PDXDC1: variants seen among roughly 807,000 people sequenced by gnomAD.
PDXDC1 encodes pyridoxal-dependent decarboxylase domain-containing protein 1.
A neutral mutation model predicts 100.1 loss-of-function variants in PDXDC1; 42 were observed. The observed-to-expected ratio is 0.42, with a 90% confidence interval of 0.33 to 0.54. PDXDC1 has a LOEUF of 0.54. Among genes scored for constraint, PDXDC1 ranks in the 20% least tolerant of loss-of-function variants. The probability of loss-of-function intolerance (pLI) is 0.10; values close to 1 mark genes in which losing one functional copy is unlikely to be tolerated. For synonymous variants in PDXDC1, 260 were observed against 371.7 expected, an observed-to-expected ratio of 0.70 and a Z score of 3.46; for missense variants, 636 against 979.2, an observed-to-expected ratio of 0.65 and a Z score of 4.68.
At chr16:15,015,063 G>A (rs1173466177) in intron 8 of PDXDC1, among the ~76,000 whole-genome samples, 3 of 152,094 alleles carry the variant, frequency 2.0e-5, no homozygotes, top group South Asian at 2.1e-4. Context: ...TCGGCCCCGC[G>A]AGTACCTGGG....
chr16:15,149,326 G>A, the PDXDC1 span, among the ~76,000 whole-genome samples: 4 of 152,192 alleles, frequency 2.6e-5, no homozygotes, highest in South Asian at 2.1e-4. Context: ...TGTTGAACGC[G>A]GGCTCCAGTG....
rs1291081454 is a variant in PDXDC1, at chr16:15,004,285, C to G, written c.341C>G (p.Thr114Arg). The G allele has an allele frequency of 4.3e-6, 7 of 1,614,044 alleles. No individual in the cohort carries two copies. The South Asian group carries it at 5.5e-5, about 13-fold the overall frequency. ...GACAAAGAGAAGCTGAGAAAACTTACAACTAGGATACTTTCAGATACCACC... is the reference window on the plus strand; with the variant it reads ...GACAAAGAGAAGCTGAGAAAACTTAGAACTAGGATACTTTCAGATACCACC... ...TLDKEKLRKL[T>R]TRILSDTTLW... is the part of the protein sequence containing the mutation. The change falls in exon 5 of 23, where the codon ACA becomes AGA. Residue 114 changes from threonine to arginine, a missense_variant. Transcript: ENST00000396410.
the PDXDC1 span, among the ~76,000 whole-genome samples, chr16:15,147,374 C>G: frequency 2.0e-5 from 3 of 152,224 alleles, no homozygotes; most frequent in Admixed American, 2.0e-4. Context: ...ATCATCACCA[C>G]GGCTTCTCAG....
At chr16:15,106,768 C>G (rs2046822540) in intron 16 of PDXDC1, among the ~76,000 whole-genome samples, 1 of 91,648 alleles carries the variant, frequency 1.1e-5, no homozygotes, top group African/African-American at 2.7e-5. Context: ...AAAACAAAAA[C>G]AAAAACAAAA....
At position 15,037,844 on chromosome 16, in the gene PDXDC1, C is replaced by CTCAACAAATGCCTTTGCCAAAATAAG. The variant is rs2043580809; in HGVS notation, c.*1570_*1595dup. The CTCAACAAATGCCTTTGCCAAAATAAG allele has an allele frequency of 2.0e-6, 1 of 493,908 alleles. No homozygotes were observed. Among genetic ancestry groups the CTCAACAAATGCCTTTGCCAAAATAAG allele is most frequent in the African/African-American group, 2.0e-5 (1 of 51,266 alleles). 30.6% of individuals were successfully genotyped at this position (493,908 alleles called of 1,614,324 possible). ...TTTTTTAGTAAACCAAAAAATAAGT[C>CTCAACAAATGCCTTTGCCAAAATAAG]TCAACAAATGCCTTTGCCAAAATAA... On this transcript the variant is annotated 3_prime_UTR_variant, in exon 23 of 23. Transcript: ENST00000396410.
chr16:15,031,491 A>C (rs1343572646), intron 16 of PDXDC1, among the ~76,000 whole-genome samples: 1 of 152,092 alleles, frequency 6.6e-6, no homozygotes, highest in African/African-American at 2.4e-5. Flanking sequence ...CTAACACTGG[A>C]GTATGTCATT....
intron 1 of PDXDC1, among the ~76,000 whole-genome samples, chr16:14,987,447 A>AAC (rs1969635216): frequency 3.3e-5 from 5 of 152,408 alleles, no homozygotes; most frequent in African/African-American, 4.8e-5. Flanking sequence ...GTTAATTATT[A>AAC]GCACAATGCC....
intron 15 of PDXDC1, chr16:15,029,258 G>T (rs2151620361): frequency 1.7e-6 from 1 of 591,800 alleles, no homozygotes; most frequent in East Asian, 2.9e-5. Context: ...GGGTTCTGGT[G>T]AGCCTGGGCA....
chr16:15,042,712 G>C (rs1039419989), downstream of PDXDC1, among the ~76,000 whole-genome samples: 1 of 109,734 alleles, frequency 9.1e-6, no homozygotes, highest in Non-Finnish European at 2.1e-5. Flanking sequence ...TGGGTCAAAG[G>C]ATGAACTATT....
At chr16:15,078,202 C>T (rs1030237316) in intron 16 of PDXDC1, among the ~76,000 whole-genome samples, 2 of 152,166 alleles carry the variant, frequency 1.3e-5, no homozygotes, top group Non-Finnish European at 2.9e-5. Flanking sequence ...TCCAAGTGAG[C>T]ACTGCACCAG....
chr16:14,979,358 C>T (rs1265203425), intron 1 of PDXDC1, among the ~76,000 whole-genome samples: 1 of 152,274 alleles, frequency 6.6e-6, no homozygotes, highest in Non-Finnish European at 1.5e-5. Flanking sequence ...GGCACAGTCT[C>T]TGCTCACTGC....
intron 16 of PDXDC1, among the ~76,000 whole-genome samples, chr16:15,079,129 T>C (rs1309753952): frequency 1.3e-5 from 2 of 151,702 alleles, no homozygotes; most frequent in African/African-American, 4.8e-5. Context: ...TATTTCTAAC[T>C]ACCATTAATG....
chr16:15,048,007 G>A (rs746080236), intron 16 of PDXDC1: 1 of 1,611,250 alleles, frequency 6.2e-7, no homozygotes, highest in East Asian at 2.2e-5. Context: ...CATCCTTTGG[G>A]GAGGTCACTG....
the PDXDC1 span, among the ~76,000 whole-genome samples, chr16:15,147,756 T>C: frequency 3.3e-5 from 5 of 152,028 alleles, no homozygotes; most frequent in Middle Eastern, 3.2e-3. Flanking sequence ...TGGTGTGATA[T>C]TGGCTCACTG....
chr16:15,128,163 C>T (rs763664361), intron 16 of PDXDC1: 141 of 1,610,184 alleles, frequency 8.8e-5, no homozygotes, highest in Middle Eastern at 2.2e-4. Flanking sequence ...GGAGGTCAGG[C>T]TCGCAGGGCG....
intron 16 of PDXDC1, among the ~76,000 whole-genome samples, chr16:15,089,844 AAACGCTGAAGTTTTAAG>A (rs1206056656): frequency 6.7e-6 from 1 of 150,256 alleles, no homozygotes; most frequent in African/African-American, 2.4e-5. Context: ...GGAGGATCAG[AAACGCTGAAGTTTTAAG>A]AAGTGGGTGG....
At chr16:15,085,998 T>C (rs146007965) in intron 16 of PDXDC1, 32,810 of 655,998 alleles carry the variant, frequency 0.05, 1,075 homozygotes, top group African/African-American at 0.12. Context: ...ACGGGGAATA[T>C]ATGTCTACCA....
At chr16:15,000,098 G>A (rs1468561958) in intron 3 of PDXDC1, among the ~76,000 whole-genome samples, 1 of 152,286 alleles carries the variant, frequency 6.6e-6, no homozygotes, top group Admixed American at 6.5e-5. Flanking sequence ...ACAGGAGGCA[G>A]GCCCTATAAA....
Position 15,089,294 on chromosome 16 carries a change from C to T in PDXDC1, c.1400-49585C>T, listed in dbSNP as rs546257751. ...TGACAGAGCAAGACTCTGTTCTGCCCGTCCCCAAAAACGAAAATGAAATAA... is the reference window on the plus strand; with the variant it reads ...TGACAGAGCAAGACTCTGTTCTGCCTGTCCCCAAAAACGAAAATGAAATAA... On this transcript the variant is annotated intron_variant, in intron 16 of 16. Coordinates refer to the PDXDC1 transcript ENST00000535621. Among the ~76,000 whole-genome samples the T allele has an allele frequency of 4.6e-5, 7 of 151,952 alleles. No homozygotes were observed. The South Asian group carries it at 1.5e-3, about 32-fold the overall frequency.
Sources: allele counts gnomAD v4.1 joint callset (sites outside exome capture counted in the v4.1 genomes callset), GRCh38; gene constraint gnomAD v4.1.1; transcripts MANE v1.5; gene names NCBI Gene and HGNC (gene_info 2026-07-23, HGNC 2026-07-21).